The following RFX4 variants were observed in gnomAD, a reference collection of about 807,000 sequenced individuals.
RFX4 encodes the protein transcription factor RFX4.
RFX4 carries 10 observed loss-of-function variants against 95.0 expected under a neutral mutation model. The observed-to-expected ratio is 0.11, with a 90% confidence interval of 0.06 to 0.18. RFX4 has a LOEUF of 0.18. Among genes scored for constraint, RFX4 ranks in the 10% least tolerant of loss-of-function variants. The pLI is 1.00. For synonymous variants in RFX4, 321 were observed against 340.7 expected (o/e 0.94, Z 0.64); for missense variants, 640 against 922.0 (o/e 0.69, Z 3.96).
At chr12:106,604,506 G>A (rs17038566) in intron 1 of RFX4, among the ~76,000 whole-genome samples, 4,224 of 151,480 alleles carry the variant, frequency 0.028, 186 homozygotes, top group African/African-American at 0.097. Flanking sequence ...TTGGAAAATC[G>A]CCTTTGATAT....
At chr12:106,668,858 G>A (rs1360988823) in intron 4 of RFX4, among the ~76,000 whole-genome samples, 2 of 152,162 alleles carry the variant, frequency 1.3e-5, no homozygotes, top group Non-Finnish European at 2.9e-5. Context: ...CATGATTCAT[G>A]GTCAGCAATT....
At chr12:106,682,742 A>G (rs1369580628) in intron 5 of RFX4, 1 of 152,394 alleles carries the variant, frequency 6.6e-6, no homozygotes, top group Non-Finnish European at 1.5e-5. Flanking sequence ...AGGAGGTTAC[A>G]TTTAAGTAAA....
intron 15 of RFX4, among the ~76,000 whole-genome samples, chr12:106,742,968 G>A (rs554283362): frequency 6.6e-6 from 1 of 152,298 alleles, no homozygotes; most frequent in East Asian, 1.9e-4. Flanking sequence ...CACCCTTCCT[G>A]TCCTGTGCTT....
intron 3 of RFX4, among the ~76,000 whole-genome samples, chr12:106,642,979 T>G (rs2040663120): frequency 1.3e-5 from 2 of 151,710 alleles, no homozygotes; most frequent in Non-Finnish European, 2.9e-5. Context: ...ACAGAGGGGG[T>G]GTTAGGCAGT....
intron 3 of RFX4, among the ~76,000 whole-genome samples, chr12:106,649,338 C>G (rs890185315): frequency 1.7e-4 from 26 of 152,188 alleles, no homozygotes; most frequent in Admixed American, 1.6e-3. Flanking sequence ...AGAAACTTAT[C>G]AAGCATCAAA....
At chr12:106,608,996 T>G (rs1157580444) in intron 2 of RFX4, 113 bp downstream of exon 2, 4 of 809,056 alleles carry the variant, frequency 4.9e-6, no homozygotes, top group Non-Finnish European at 8.0e-6. Flanking sequence ...AACAAGACAC[T>G]CTCTAGCTAT....
chr12:106,583,650 T>C (rs1254870778), intron 1 of RFX4: 2 of 308,174 alleles, frequency 6.5e-6, no homozygotes, highest in Non-Finnish European at 1.2e-5. Flanking sequence ...TACGTAAAGA[T>C]GCGCTGGCTC....
At chr12:106,644,230 CTTTTTT>C (rs756140160) in intron 3 of RFX4, among the ~76,000 whole-genome samples, 6 of 128,412 alleles carry the variant, frequency 4.7e-5, no homozygotes, top group South Asian at 2.6e-4. Context: ...GCCATTTCCC[CTTTTTT>C]TTTTTTTTTT....
intron 13 of RFX4, among the ~76,000 whole-genome samples, chr12:106,727,776 C>G (rs568337798): frequency 2.0e-4 from 30 of 152,244 alleles, no homozygotes; most frequent in African/African-American, 7.2e-4. Context: ...CGCGCCACCA[C>G]ACCTGGCTAA....
intron 1 of RFX4, among the ~76,000 whole-genome samples, chr12:106,600,283 T>C (rs904890095): frequency 3.3e-5 from 5 of 152,308 alleles, no homozygotes; most frequent in African/African-American, 1.2e-4. Flanking sequence ...AGGAACACGC[T>C]TCCTCCCTCT....
At chr12:106,635,655 C>T (rs900452811) in intron 2 of RFX4, among the ~76,000 whole-genome samples, 11 of 152,066 alleles carry the variant, frequency 7.2e-5, no homozygotes, top group Non-Finnish European at 1.6e-4. Flanking sequence ...CAATTATTTG[C>T]TCAGTATTAT....
At chr12:106,689,459 G>T in intron 7 of RFX4, 95 bp downstream of exon 7, 1 of 961,010 alleles carries the variant, frequency 1.0e-6, no homozygotes, top group South Asian at 1.3e-5. Flanking sequence ...GCCAGGCCTG[G>T]CATCTGGAAG....
intron 8 of RFX4, among the ~76,000 whole-genome samples, chr12:106,707,565 C>T (rs181399328): frequency 2.6e-5 from 4 of 152,126 alleles, no homozygotes; most frequent in Non-Finnish European, 5.9e-5. Flanking sequence ...GTGACAGAAT[C>T]GAATGCTGCC....
rs1375516536 is a variant in RFX4, at chr12:106,720,974, G to A, written c.1351+98G>A. On this transcript the variant is annotated intron_variant, in intron 13 of 17. Coordinates refer to ENST00000392842, the MANE Select transcript of RFX4 (RefSeq NM_213594.3). The surrounding 1 kb of genome is among the most constrained non-coding windows in gnomAD (Gnocchi z 4.2). ...CAGTCTAACTTGCTGTTTCTGCAAG[G>A]TCATCACCCTGAAACACATCTCTTC... 4 of 1,005,984 alleles carry A rather than the reference G, an allele frequency of 4.0e-6. No homozygotes were observed. The highest frequency in any genetic ancestry group is 6.2e-6 in the Non-Finnish European group (4 of 642,246). 62.3% of individuals were successfully genotyped at this position (1,005,984 alleles called of 1,614,324 possible).
At chr12:106,647,440 G>A (rs980663081) in intron 3 of RFX4, among the ~76,000 whole-genome samples, 1 of 152,120 alleles carries the variant, frequency 6.6e-6, no homozygotes, top group African/African-American at 2.4e-5. Context: ...CTAGCGCAGG[G>A]TAGGCACTTG....
chr12:106,649,594 A>G (rs10450760), intron 3 of RFX4, among the ~76,000 whole-genome samples: 11,023 of 152,118 alleles, frequency 0.072, 904 homozygotes, highest in African/African-American at 0.21. Flanking sequence ...GGTTCATTTG[A>G]TGTGATGTTT....
chr12:106,642,257 T>C (rs2040649034), intron 3 of RFX4, among the ~76,000 whole-genome samples: 1 of 150,402 alleles, frequency 6.6e-6, no homozygotes, highest in South Asian at 2.1e-4. Context: ...TGATCCACCT[T>C]CCTCAGCCTC....
chr12:106,705,423 G>T (rs938322747), intron 8 of RFX4, among the ~76,000 whole-genome samples: 1 of 152,212 alleles, frequency 6.6e-6, no homozygotes, highest in Admixed American at 6.5e-5. Context: ...TGGCATCCCA[G>T]CCTAGGGAAG....
At chr12:106,759,821 A>G (rs2043178211) in intron 17 of RFX4, among the ~76,000 whole-genome samples, 1 of 152,052 alleles carries the variant, frequency 6.6e-6, no homozygotes, top group African/African-American at 2.4e-5. Flanking sequence ...TTTGCTATGT[A>G]AGGCATGCCA....
Sources: gnomAD v4.1 joint callset for allele counts (sites outside exome capture counted in the v4.1 genomes callset) on GRCh38, gnomAD v4.1.1 for gene constraint, Gnocchi (gnomAD v3.1) non-coding constraint, MANE v1.5 for transcripts, NCBI Gene and HGNC (gene_info 2026-07-23, HGNC 2026-07-21) for gene names.